Variants in CDH9 observed in about 807,000 individuals in gnomAD.
The protein encoded by CDH9 is cadherin-9.
Under a neutral mutation model 70.9 loss-of-function variants are expected in CDH9, and 28 were observed. The observed-to-expected ratio is 0.40, with a 90% CI of 0.29 to 0.54. The LOEUF (loss-of-function observed/expected upper bound fraction) is 0.54, where lower values mean the gene tolerates loss of function less well. CDH9 is among the 20% of genes least tolerant of loss of function. The pLI is 0.59. For synonymous variants in CDH9, 409 were observed against 343.1 expected, an observed-to-expected ratio of 1.19 and a Z score of -2.12; for missense variants, 874 against 984.4, an observed-to-expected ratio of 0.89 and a Z score of 1.50.
intron 2 of CDH9, among the ~76,000 whole-genome samples, chr5:26,931,094 C>T (rs1025909588): frequency 6.6e-6 from 1 of 152,068 alleles, no homozygotes; most frequent in African/African-American, 2.4e-5. Flanking sequence ...CACGACAAAC[C>T]TGGACAAAAT....
chr5:26,889,883 C>G lies in CDH9; in HGVS notation c.1465G>C (p.Ala489Pro), dbSNP rs1740626295. 6.2e-7 allele frequency: 1 copy of G among 1,602,558 alleles called. No homozygotes were observed. The highest frequency in any genetic ancestry group is 8.5e-7 in the Non-Finnish European group (1 of 1,170,774). ...CAAACAAATGTTTCATAATACATGG[C>G]AAATTCCGGAGCATGGTCATTTATA... ...LDINDHAPEF[A>P]MYYETFVCEN... The change falls in exon 9 of 12, where the codon GCC becomes CCC. Residue 489 changes from alanine (A) to proline (P), a missense_variant. By Grantham distance (27) the Ala-to-Pro change is conservative. Transcript: ENST00000231021.
chr5:26,960,821 G>A (rs1431983723), intron 2 of CDH9, among the ~76,000 whole-genome samples: 1 of 151,394 alleles, frequency 6.6e-6, no homozygotes, highest in Non-Finnish European at 1.5e-5. Context: ...TGAAAATCTG[G>A]GCATCCTCGG....
intron 1 of CDH9, among the ~76,000 whole-genome samples, chr5:27,032,596 T>G (rs1384281977): frequency 2.0e-5 from 3 of 151,652 alleles, no homozygotes; most frequent in African/African-American, 7.2e-5. Flanking sequence ...CATGTGTAAA[T>G]GCTTTATTAA....
rs183778925 is a variant in CDH9, at chr5:26,994,737, G to T, written c.-49-6355C>A. Among the ~76,000 whole-genome samples the T allele has an allele frequency of 3.7e-3, 566 of 152,154 alleles. 15 individuals carry two copies. Among genetic ancestry groups the T allele is most frequent in the Admixed American group, 0.031 (478 of 15,278 alleles). Reference sequence around the variant, plus strand: ...TGTTGTTTAAGCCACACAGTCTATGGTATCTTGATATAGCAGCATGGACTG... The same window carrying T: ...TGTTGTTTAAGCCACACAGTCTATGTTATCTTGATATAGCAGCATGGACTG... On this transcript the variant is annotated intron_variant, in intron 1 of 11. Coordinates refer to ENST00000231021, the MANE Select transcript of CDH9 (RefSeq NM_016279.4).
At chr5:26,982,281 C>T (rs1038677212) in intron 2 of CDH9, among the ~76,000 whole-genome samples, 2 of 152,022 alleles carry the variant, frequency 1.3e-5, no homozygotes. Context: ...AACTTGGTAG[C>T]CATATTAAGA....
At chr5:26,915,608 A>C (rs372655629) in intron 3 of CDH9, 22 bp downstream of exon 3, 160 of 1,391,958 alleles carry the variant, frequency 1.1e-4, no homozygotes, top group Non-Finnish European at 6.1e-6. Flanking sequence ...AAAGTAGTTT[A>C]CATGGATTAG....
chr5:26,993,923 GTGGACT>G (rs2112097835), intron 1 of CDH9, among the ~76,000 whole-genome samples: 1 of 152,190 alleles, frequency 6.6e-6, no homozygotes, highest in East Asian at 1.9e-4. Flanking sequence ...CACTGCCCCA[GTGGACT>G]TGGACCGCAG....
At chr5:26,914,839 T>A (rs1741120534) in intron 3 of CDH9, among the ~76,000 whole-genome samples, 1 of 152,082 alleles carries the variant, frequency 6.6e-6, no homozygotes, top group South Asian at 2.1e-4. Context: ...GCAGATCTTG[T>A]AAATTAAGTT....
intron 8 of CDH9, 118 bp from the exon 9 acceptor site, chr5:26,890,075 T>TGAGATATTCATCA: frequency 1.2e-6 from 1 of 857,530 alleles, no homozygotes; most frequent in Non-Finnish European, 1.9e-6. Flanking sequence ...TCAATTGGGC[T>TGAGATATTCATCA]GCTGATGAAT....
At chr5:26,960,811 T>TTG (rs1742021114) in intron 2 of CDH9, among the ~76,000 whole-genome samples, 1 of 16,790 alleles carries the variant, frequency 6.0e-5, no homozygotes, top group African/African-American at 6.4e-5. Flanking sequence ...CTATCCACAC[T>TTG]GAAAATCTGG....
intron 2 of CDH9, among the ~76,000 whole-genome samples, chr5:26,918,196 A>G (rs980854986): frequency 6.6e-6 from 1 of 151,984 alleles, no homozygotes; most frequent in Non-Finnish European, 1.5e-5. Context: ...TTCAAGCCTG[A>G]TGTTTGCATC....
At chr5:26,948,001 G>A (rs533427089) in intron 2 of CDH9, among the ~76,000 whole-genome samples, 1 of 152,102 alleles carries the variant, frequency 6.6e-6, no homozygotes, top group East Asian at 1.9e-4. Context: ...TGAACACCGA[G>A]AGTCGAAACT....
At chr5:26,905,816 T>G in intron 5 of CDH9, 143 bp downstream of exon 5, 1 of 642,630 alleles carries the variant, frequency 1.6e-6, no homozygotes, top group Non-Finnish European at 2.8e-6. Context: ...ATTGTGTTTT[T>G]TTTTTGGTAG....
intron 1 of CDH9, among the ~76,000 whole-genome samples, chr5:27,029,837 G>T (rs1743280475): frequency 6.6e-6 from 1 of 151,924 alleles, no homozygotes; most frequent in African/African-American, 2.4e-5. Context: ...GAGAAGCATT[G>T]CTTCCTACAC....
intron 1 of CDH9, among the ~76,000 whole-genome samples, chr5:27,010,977 G>T (rs1270017931): frequency 2.0e-5 from 3 of 152,052 alleles, no homozygotes; most frequent in Non-Finnish European, 4.4e-5. Context: ...TCCCATAATT[G>T]TCAAGAAAAG....
At chr5:26,977,485 G>GTGTATATA (rs1491302863) in intron 2 of CDH9, among the ~76,000 whole-genome samples, 28 of 68,832 alleles carry the variant, frequency 4.1e-4, no homozygotes, top group African/African-American at 2.7e-3. Context: ...GTGTGTGTGT[G>GTGTATATA]TATATATATA....
intron 11 of CDH9, among the ~76,000 whole-genome samples, chr5:26,883,040 CTTATATATAT>C (rs1299272453): frequency 6.7e-4 from 19 of 28,376 alleles, no homozygotes; most frequent in East Asian, 3.0e-3. Context: ...TCAGGATCAT[CTTATATATAT>C]ATATATATAT....
chr5:26,976,251 A>G (rs1055057920), intron 2 of CDH9, among the ~76,000 whole-genome samples: 13 of 152,162 alleles, frequency 8.5e-5, no homozygotes, highest in Admixed American at 5.9e-4. Flanking sequence ...TAAACTCTAT[A>G]TGAACAGAAA....
intron 1 of CDH9, among the ~76,000 whole-genome samples, chr5:26,998,444 T>C (rs965618168): frequency 2.0e-5 from 3 of 152,086 alleles, no homozygotes; most frequent in African/African-American, 7.2e-5. Context: ...TGGATGAAGC[T>C]GGAAGCCATC....
Sources: allele counts gnomAD v4.1 joint callset (sites outside exome capture counted in the v4.1 genomes callset), GRCh38; gene constraint gnomAD v4.1.1; transcripts MANE v1.5; gene names NCBI Gene and HGNC (gene_info 2026-07-23, HGNC 2026-07-21).